ABCC1: variants seen among roughly 807,000 people sequenced by gnomAD.
The protein encoded by ABCC1 is multidrug resistance-associated protein 1.
Under a neutral mutation model 172.9 loss-of-function variants are expected in ABCC1, and 83 were observed. That is an observed-to-expected ratio of 0.48 (90% CI 0.40 to 0.58). ABCC1 has a LOEUF of 0.58. Ranked by LOEUF, ABCC1 falls within the 20% of genes least tolerant of loss-of-function variation. The pLI, the probability that ABCC1 is intolerant of heterozygous loss-of-function variation, is 0.00. For missense variants in ABCC1, 1,817 were observed against 2,002.7 expected, an observed-to-expected ratio of 0.91 and a Z score of 1.77; for synonymous variants, 937 against 825.2, an observed-to-expected ratio of 1.14 and a Z score of -2.32.
chr16:16,054,469 C>T (rs1036539648), intron 11 of ABCC1, among the ~76,000 whole-genome samples: 1 of 152,094 alleles, frequency 6.6e-6, no homozygotes, highest in Non-Finnish European at 1.5e-5. Flanking sequence ...TATTTCTTTG[C>T]TCTTCTGTTG....
At chr16:16,008,474 G>C (rs1488132508) in intron 2 of ABCC1, among the ~76,000 whole-genome samples, 1 of 151,702 alleles carries the variant, frequency 6.6e-6, no homozygotes, top group Non-Finnish European at 1.5e-5. Flanking sequence ...CAAAGTACTG[G>C]GATGCTCAGT....
At chr16:16,050,585 A>G (rs761690313) in intron 10 of ABCC1, among the ~76,000 whole-genome samples, 20 of 152,018 alleles carry the variant, frequency 1.3e-4, no homozygotes, top group Non-Finnish European at 2.2e-4. Flanking sequence ...AAAAAACACC[A>G]GAATTTAATT....
intron 10 of ABCC1, among the ~76,000 whole-genome samples, chr16:16,052,025 G>A (rs1482331345): frequency 6.6e-6 from 1 of 152,180 alleles, no homozygotes; most frequent in African/African-American, 2.4e-5. Context: ...GAGCCCATGA[G>A]TTTGAGACCA....
chr16:15,990,347 A>G (rs7198841), intron 1 of ABCC1, among the ~76,000 whole-genome samples: 14,013 of 152,246 alleles, frequency 0.092, 748 homozygotes, highest in Middle Eastern at 0.16. Context: ...ACACCCGGCC[A>G]TCAGCAAATT....
At chr16:15,995,516 G>GTT (rs10716039) in intron 1 of ABCC1, among the ~76,000 whole-genome samples, 20 of 151,708 alleles carry the variant, frequency 1.3e-4, no homozygotes, top group African/African-American at 2.7e-4. Flanking sequence ...ACATAGAGTT[G>GTT]TTTTTTTTAG....
intron 3 of ABCC1, among the ~76,000 whole-genome samples, chr16:16,010,305 G>A (rs972287758): frequency 6.6e-6 from 1 of 152,048 alleles, no homozygotes; most frequent in Non-Finnish European, 1.5e-5. Context: ...TCCTTCCAGA[G>A]CACTGGCATT....
chr16:16,119,779 G>C (rs1174070493), intron 23 of ABCC1, among the ~76,000 whole-genome samples: 1 of 152,164 alleles, frequency 6.6e-6, no homozygotes, highest in Non-Finnish European at 1.5e-5. Context: ...GCAAGTGGAG[G>C]AAAGTGAACA....
Position 16,012,485 on chromosome 16 carries a change from ATT to A in ABCC1, c.352-1990_352-1989del, listed in dbSNP as rs71674571. ...TTCTGGCAGTGGGGTATTAGAGTGG[ATT>A]TTTTTTTTTTTTTTTCAATTTCACT... On this transcript the variant is annotated intron_variant, in intron 3 of 30. Coordinates refer to ENST00000399410, the MANE Select transcript of ABCC1 (RefSeq NM_004996.4). Among the ~76,000 whole-genome samples the A allele has an allele frequency of 2.2e-3, 301 of 138,664 alleles. 1 individual carries two copies. The highest frequency in any genetic ancestry group is 6.5e-3 in the East Asian group (29 of 4,476). 91.0% of individuals were successfully genotyped at this position (138,664 alleles called of 152,430 possible). A position where few individuals can be genotyped will look rare whatever the true frequency, so the allele number is the denominator to read the frequency against.
intron 23 of ABCC1, among the ~76,000 whole-genome samples, chr16:16,120,003 C>G (rs2152109541): frequency 6.6e-6 from 1 of 152,212 alleles, no homozygotes; most frequent in Non-Finnish European, 1.5e-5. Flanking sequence ...TATTCTGAGA[C>G]TGCGTGGGGT....
At chr16:15,989,818 T>C (rs2046818603) in intron 1 of ABCC1, among the ~76,000 whole-genome samples, 1 of 152,156 alleles carries the variant, frequency 6.6e-6, no homozygotes, top group African/African-American at 2.4e-5. Flanking sequence ...GCGATGTACA[T>C]GAAACCTGAA....
At chr16:15,999,189 T>C (rs1355991238) in intron 1 of ABCC1, among the ~76,000 whole-genome samples, 1 of 152,002 alleles carries the variant, frequency 6.6e-6, no homozygotes, top group Non-Finnish European at 1.5e-5. Flanking sequence ...ATATTTTTAG[T>C]AGAGACAGGG....
intron 12 of ABCC1, among the ~76,000 whole-genome samples, chr16:16,059,053 T>C (rs1015958432): frequency 6.6e-6 from 1 of 151,800 alleles, no homozygotes; most frequent in Non-Finnish European, 1.5e-5. Context: ...TCCTAACATA[T>C]CCCTAGGTGC....
At chr16:16,051,334 CTAAGT>C (rs1343290513) in intron 10 of ABCC1, among the ~76,000 whole-genome samples, 1 of 151,636 alleles carries the variant, frequency 6.6e-6, no homozygotes, top group Non-Finnish European at 1.5e-5. Context: ...CCATGCCTGG[CTAAGT>C]TATTTATTTT....
intron 17 of ABCC1, 138 bp from the exon 18 acceptor site, chr16:16,086,686 C>G (rs2051020337): frequency 1.1e-6 from 1 of 888,044 alleles, no homozygotes; most frequent in African/African-American, 1.7e-5. Flanking sequence ...TCAGGCTGGT[C>G]TCAAACCCCT....
chr16:15,958,898 C>T (rs1282467640), intron 1 of ABCC1, among the ~76,000 whole-genome samples: 1 of 152,148 alleles, frequency 6.6e-6, no homozygotes, highest in Non-Finnish European at 1.5e-5. Context: ...GGTTGCTGTT[C>T]TGTGCAGCGT....
chr16:16,049,773 TC>T (rs2049352473), intron 10 of ABCC1, among the ~76,000 whole-genome samples: 1 of 152,148 alleles, frequency 6.6e-6, no homozygotes, highest in South Asian at 2.1e-4. Context: ...AACCTCTGCC[TC>T]CCAGCTTCAA....
At chr16:15,987,490 C>T (rs931428230) in intron 1 of ABCC1, among the ~76,000 whole-genome samples, 2 of 152,152 alleles carry the variant, frequency 1.3e-5, no homozygotes, top group Non-Finnish European at 2.9e-5. Context: ...AGATATTTCC[C>T]GTCGTGGGGG....
chr16:15,950,776 G>C (rs1340426416), intron 1 of ABCC1, among the ~76,000 whole-genome samples: 5 of 152,112 alleles, frequency 3.3e-5, no homozygotes, highest in African/African-American at 1.2e-4. Flanking sequence ...CTTTTGTTTA[G>C]GAATCAGGAG....
intron 17 of ABCC1, among the ~76,000 whole-genome samples, chr16:16,083,783 G>T (rs1386454342): frequency 2.0e-5 from 3 of 152,156 alleles, no homozygotes; most frequent in Admixed American, 1.3e-4. Context: ...CTTTCCAAAG[G>T]GGGGCTCTTC....
Sources: gnomAD v4.1 joint callset for allele counts (sites outside exome capture counted in the v4.1 genomes callset) on GRCh38, gnomAD v4.1.1 for gene constraint, MANE v1.5 for transcripts, NCBI Gene and HGNC (gene_info 2026-07-23, HGNC 2026-07-21) for gene names.